Variants in SPTBN1 observed in about 807,000 individuals in gnomAD.
SPTBN1 encodes the protein spectrin beta chain, non-erythrocytic 1.
A neutral mutation model predicts 266.4 loss-of-function variants in SPTBN1; 32 were observed. The ratio of observed to expected loss-of-function variants is 0.12; its 90% CI spans 0.09 to 0.16. SPTBN1 has a LOEUF of 0.16. Ranked by LOEUF, SPTBN1 falls within the 10% of genes least tolerant of loss-of-function variation. The pLI is 1.00. For missense variants in SPTBN1, 2,296 were observed against 3,067.1 expected, an observed-to-expected ratio of 0.75 and a Z score of 5.94; for synonymous variants, 1,336 against 1,162.2, an observed-to-expected ratio of 1.15 and a Z score of -3.04.
At chr2:54,474,329 T>C (rs963055003) in intron 1 of SPTBN1, among the ~76,000 whole-genome samples, 1 of 151,828 alleles carries the variant, frequency 6.6e-6, no homozygotes, top group African/African-American at 2.4e-5. Flanking sequence ...CAGGGTGGAC[T>C]ATATATTCTG....
chr2:54,657,931 G>C lies in SPTBN1; in HGVS notation c.6128G>C (p.Arg2043Pro). The C allele has an allele frequency of 6.2e-7, 1 of 1,614,228 alleles. No homozygotes were observed. The highest frequency in any genetic ancestry group is 8.5e-7 in the Non-Finnish European group (1 of 1,180,056). The change falls in exon 30 of 36, where the codon CGA (arginine) becomes CCA (proline). Residue 2043 changes from arginine to proline, a missense_variant. Around this residue, in one of 12 missense-constraint regions of SPTBN1, gnomAD observed 644 missense variants for 745.3 expected, o/e 0.86. Coordinates refer to ENST00000356805, the MANE Select transcript of SPTBN1 (RefSeq NM_003128.3). The part of the protein sequence containing the change: ...LLGQEPYLSS[R>P]EIGQSVDEVE... Reference sequence around the variant, plus strand: ...GGACAGGAGCCGTACCTATCCAGCCGAGAGATAGGCCAGAGCGTGGACGAG... The same window carrying C: ...GGACAGGAGCCGTACCTATCCAGCCCAGAGATAGGCCAGAGCGTGGACGAG...
intron 3 of SPTBN1, among the ~76,000 whole-genome samples, chr2:54,607,937 G>A (rs1426321889): frequency 6.6e-6 from 1 of 152,200 alleles, no homozygotes; most frequent in African/African-American, 2.4e-5. Context: ...ATGGCCGCTT[G>A]TTACCCAAGT....
intron 19 of SPTBN1, 124 bp from the exon 20 acceptor site, chr2:54,644,199 A>C: frequency 8.0e-7 from 1 of 1,242,252 alleles, no homozygotes; most frequent in South Asian, 1.5e-5. Flanking sequence ...CTTCATGTGG[A>C]AAGACTGTGT....
chr2:54,480,053 C>T (rs1385667479), intron 1 of SPTBN1, among the ~76,000 whole-genome samples: 1 of 152,138 alleles, frequency 6.6e-6, no homozygotes, highest in East Asian at 1.9e-4. Flanking sequence ...TGAGCCCTTT[C>T]CTCAGATAAA....
chr2:54,589,014 A>G (rs553670721), intron 2 of SPTBN1, among the ~76,000 whole-genome samples: 19 of 152,294 alleles, frequency 1.2e-4, no homozygotes, highest in African/African-American at 4.3e-4. Context: ...GTGATGCTTA[A>G]TAATCACATC....
chr2:54,544,516 G>C (rs773039377), intron 2 of SPTBN1, among the ~76,000 whole-genome samples: 3 of 152,132 alleles, frequency 2.0e-5, no homozygotes, highest in Non-Finnish European at 2.9e-5. Flanking sequence ...TTAGAGTTGA[G>C]AATCAGATAC....
At chr2:54,641,043 C>T (rs1186041282) in intron 18 of SPTBN1, among the ~76,000 whole-genome samples, 10 of 152,190 alleles carry the variant, frequency 6.6e-5, no homozygotes, top group African/African-American at 1.7e-4. Flanking sequence ...CTTGATTCAA[C>T]GATCAAAGCA....
chr2:54,469,077 A>G (rs762383569), intron 1 of SPTBN1, among the ~76,000 whole-genome samples: 3 of 152,240 alleles, frequency 2.0e-5, no homozygotes, highest in African/African-American at 7.2e-5. Flanking sequence ...TCAAGAAGAA[A>G]AAGCGTTATT....
chr2:54,508,204 A>G (rs572665597), intron 1 of SPTBN1, among the ~76,000 whole-genome samples: 22 of 152,318 alleles, frequency 1.4e-4, no homozygotes, highest in African/African-American at 5.1e-4. Flanking sequence ...GAGAAGGCCA[A>G]ACCGAGGAAC....
At chr2:54,555,210 T>C (rs1162213764) in intron 2 of SPTBN1, among the ~76,000 whole-genome samples, 5 of 152,096 alleles carry the variant, frequency 3.3e-5, no homozygotes, top group African/African-American at 1.2e-4. Flanking sequence ...CTTACTTCCT[T>C]TCCTAGATTT....
In SPTBN1 at chr2:54,665,978, G is replaced by A; in HGVS notation, c.6723G>A (p.Lys2241=). The part of the protein sequence containing the change: ...NQEMGFYKDA[K]TAASGIPYHS... ...AAATGGGTTTCTACAAAGATGCAAA[G>A]ACTGCTGCTTCTGGAATTCCCTACC... Residue 2241 remains lysine, a synonymous_variant, in exon 34 of 36, where the codon AAG becomes AAA. Transcript: ENST00000356805. The A allele has an allele frequency of 3.1e-6, 5 of 1,614,114 alleles. No homozygotes were observed. The highest frequency in any genetic ancestry group is 4.2e-6 in the Non-Finnish European group (5 of 1,180,024).
chr2:54,494,546 A>T (rs1353702960), intron 1 of SPTBN1, among the ~76,000 whole-genome samples: 1 of 152,262 alleles, frequency 6.6e-6, no homozygotes, highest in African/African-American at 2.4e-5. Context: ...TTAATGGTAT[A>T]CTATTCAGCA....
intron 1 of SPTBN1, among the ~76,000 whole-genome samples, chr2:54,487,416 C>T (rs17039554): frequency 0.22 from 33,122 of 151,564 alleles, 4,631 homozygotes; most frequent in East Asian, 0.37. Context: ...TACTACTGTA[C>T]AATGAATCGC....
chr2:54,524,009 G>A (rs1421358735), intron 1 of SPTBN1, among the ~76,000 whole-genome samples: 1 of 152,138 alleles, frequency 6.6e-6, no homozygotes, highest in Non-Finnish European at 1.5e-5. Flanking sequence ...GACCAGCCTG[G>A]CCAATATAGT....
At chr2:54,661,899 A>T (rs898965383) in intron 32 of SPTBN1, 3 of 985,246 alleles carry the variant, frequency 3.0e-6, no homozygotes, top group East Asian at 1.1e-4. Flanking sequence ...TTTTATCTAG[A>T]TTTTTAAATG....
At chr2:54,501,539 A>G (rs1669268764) in intron 1 of SPTBN1, among the ~76,000 whole-genome samples, 1 of 152,240 alleles carries the variant, frequency 6.6e-6, no homozygotes, top group African/African-American at 2.4e-5. Context: ...ATTTAAAGCA[A>G]TTAAATGCTA....
intron 5 of SPTBN1, among the ~76,000 whole-genome samples, chr2:54,617,077 A>G (rs1208075339): frequency 1.3e-5 from 2 of 152,242 alleles, no homozygotes; most frequent in African/African-American, 2.4e-5. Context: ...TCAATATGGT[A>G]TAGAATAGCT....
chr2:54,620,889 C>A (rs1487614949), intron 7 of SPTBN1, among the ~76,000 whole-genome samples: 3 of 152,136 alleles, frequency 2.0e-5, no homozygotes, highest in African/African-American at 7.2e-5. Flanking sequence ...AAAGATCAGT[C>A]TGGGTGCACT....
intron 1 of SPTBN1, among the ~76,000 whole-genome samples, chr2:54,473,211 A>G (rs1194315500): frequency 1.3e-5 from 2 of 152,214 alleles, no homozygotes; most frequent in Non-Finnish European, 2.9e-5. Context: ...ACAGAGATTT[A>G]TAATTTGTAA....
Sources: gnomAD v4.1 joint callset for allele counts (sites outside exome capture counted in the v4.1 genomes callset) on GRCh38, gnomAD v4.1.1 for gene constraint, gnomAD v4.1.1 regional missense constraint, MANE v1.5 for transcripts, NCBI Gene and HGNC (gene_info 2026-07-23, HGNC 2026-07-21) for gene names.